The following RGS12 variants were observed in gnomAD, a reference collection of about 807,000 sequenced individuals.
RGS12 encodes the protein regulator of G-protein signaling 12.
Under a neutral mutation model 120.1 loss-of-function variants are expected in RGS12, and 66 were observed. That is an observed-to-expected ratio of 0.55 (90% confidence interval 0.45 to 0.67). RGS12 has a LOEUF of 0.67. RGS12 is among the 30% of genes least tolerant of loss of function. The pLI is 0.00. For missense variants in RGS12, 1,859 were observed against 1,957.7 expected (o/e 0.95, Z 0.95); for synonymous variants, 827 against 804.7 (o/e 1.03, Z -0.47).
At chr4:3,346,718 T>G (rs569046013) in intron 3 of RGS12, among the ~76,000 whole-genome samples, 4 of 152,344 alleles carry the variant, frequency 2.6e-5, no homozygotes, top group African/African-American at 9.6e-5. Flanking sequence ...ACATGGCTGC[T>G]TCTCTCTACA....
intron 16 of RGS12, among the ~76,000 whole-genome samples, chr4:3,429,087 C>T (rs552130787): frequency 1.3e-5 from 2 of 152,228 alleles, no homozygotes; most frequent in Non-Finnish European, 2.9e-5. Context: ...AGAGAGTCCA[C>T]CCTAGGCAGA....
chr4:3,305,163 G>A (rs1723904088), intron 1 of RGS12, among the ~76,000 whole-genome samples: 1 of 152,228 alleles, frequency 6.6e-6, no homozygotes, highest in South Asian at 2.1e-4. Context: ...GAGGGAGTGA[G>A]GGAGAGCATG....
chr4:3,372,843 G>A lies in RGS12; in HGVS notation c.1999-13573G>A, dbSNP rs1016004071. 6.6e-6 allele frequency among the ~76,000 whole-genome samples: 1 copy of A among 152,292 alleles called. No homozygotes were observed. Among genetic ancestry groups the A allele is most frequent in the Non-Finnish European group, 1.5e-5 (1 of 68,028 alleles). ...AGAAAGAACTTTCTAGAGACCACAGGGCTTCTCTCCCCTTCAGGCATTGAC... is the reference window on the plus strand; with the variant it reads ...AGAAAGAACTTTCTAGAGACCACAGAGCTTCTCTCCCCTTCAGGCATTGAC... On this transcript the variant is annotated intron_variant, in intron 3 of 17. Transcript: ENST00000336727. This position sits in a 1 kb window ranked among gnomAD's most constrained non-coding sequence, Gnocchi z 4.3.
rs369705947 is a variant in RGS12 at position 3,346,096 on chromosome 4, C to T, written c.1998+3043C>T. Among the ~76,000 whole-genome samples the T allele has an allele frequency of 2.6e-5, 4 of 152,112 alleles. No homozygotes were observed. In the East Asian group the frequency reaches 7.7e-4, roughly 29 times the overall value. The stretch of plus-strand genomic sequence containing the variant: ...CCTTAATTTTCCCAGAAGAATTTAT[C>T]CAGGTATAGCAGGTAGTATCAGCAA... On this transcript the variant is annotated intron_variant, in intron 3 of 17. Transcript: ENST00000336727.
At chr4:3,407,625 C>T (rs1477278618) in intron 4 of RGS12, 1 of 152,310 alleles carries the variant, frequency 6.6e-6, no homozygotes, top group Non-Finnish European at 1.5e-5. Context: ...CAGGGGCACA[C>T]TGACTTATGT....
At position 3,414,105 on chromosome 4, in the gene RGS12, G is replaced by A. The variant is rs1326005967; in HGVS notation, c.2054G>A (p.Ser685Asn). Residue 685 changes from serine (S) to asparagine (N), a missense_variant, in exon 5 of 18, where the codon AGC becomes AAC. Ser to Asn is a conservative substitution (Grantham distance 46, BLOSUM62 1). Around this residue, in one of 3 missense-constraint regions of RGS12, gnomAD observed 967 missense variants for 994.2 expected, o/e 0.97. Coordinates refer to ENST00000336727, the MANE Select transcript of RGS12 (RefSeq NM_001394154.1). ...LTGADLKDCVSNNSLSSNASL... is the reference protein window; with the variant it reads ...LTGADLKDCVNNNSLSSNASL... Reference sequence around the variant, plus strand: ...GGCGCCGACCTGAAGGACTGCGTCAGCAACAACAGCCTGAGCAGCAATGCC... The same window carrying A: ...GGCGCCGACCTGAAGGACTGCGTCAACAACAACAGCCTGAGCAGCAATGCC... 3 of 1,573,520 alleles carry A rather than the reference G, an allele frequency of 1.9e-6. No individual in the cohort carries two copies. The highest frequency in any genetic ancestry group is 1.1e-5 in the South Asian group (1 of 87,388).
Position 3,366,794 on chromosome 4 carries a change from G to T in RGS12, c.1999-19622G>T, listed in dbSNP as rs1175818074. Among the ~76,000 whole-genome samples the T allele has an allele frequency of 6.6e-6, 1 of 152,184 alleles. No individual in the cohort carries two copies. Among genetic ancestry groups the T allele is most frequent in the Non-Finnish European group, 1.5e-5 (1 of 68,026 alleles). ...CTGGTGAGAGAGGCCTGGGAGACAGGTGAGTCTGTAAGGAGGCCCAGAGTC... is the reference window on the plus strand; with the variant it reads ...CTGGTGAGAGAGGCCTGGGAGACAGTTGAGTCTGTAAGGAGGCCCAGAGTC... On this transcript the variant is annotated intron_variant, in intron 3 of 17. Coordinates refer to ENST00000336727, the MANE Select transcript of RGS12 (RefSeq NM_001394154.1). This position sits in a 1 kb window ranked among gnomAD's most constrained non-coding sequence, Gnocchi z 4.0.
intron 1 of RGS12, among the ~76,000 whole-genome samples, chr4:3,297,371 G>A (rs1723438718): frequency 6.6e-6 from 1 of 152,214 alleles, no homozygotes; most frequent in African/African-American, 2.4e-5. Context: ...ATCCTAAGTG[G>A]TCTGTTTTCT....
At chr4:3,393,248 G>C (rs1449351806) in intron 4 of RGS12, among the ~76,000 whole-genome samples, 2 of 152,204 alleles carry the variant, frequency 1.3e-5, no homozygotes, top group African/African-American at 4.8e-5. Context: ...ACCCAGAACT[G>C]GCTGGAACTC....
intron 1 of RGS12, among the ~76,000 whole-genome samples, chr4:3,303,781 A>T (rs1369023672): frequency 6.6e-6 from 1 of 152,280 alleles, no homozygotes; most frequent in Non-Finnish European, 1.5e-5. Flanking sequence ...TATTTCTTCA[A>T]CTTTATATGA....
chr4:3,370,883 AT>A (rs1340679050), intron 3 of RGS12, among the ~76,000 whole-genome samples: 1 of 152,230 alleles, frequency 6.6e-6, no homozygotes, highest in African/African-American at 2.4e-5. Flanking sequence ...AATAAAAATA[AT>A]TTCTATTTTC....
intron 1 of RGS12, among the ~76,000 whole-genome samples, chr4:3,305,501 G>A (rs1723923158): frequency 6.6e-6 from 1 of 152,374 alleles, no homozygotes; most frequent in African/African-American, 2.4e-5. Context: ...CTCCTGGGGT[G>A]CACGGTACCC....
At chr4:3,337,294 T>C (rs1009900042) in intron 2 of RGS12, among the ~76,000 whole-genome samples, 4 of 152,216 alleles carry the variant, frequency 2.6e-5, no homozygotes, top group Non-Finnish European at 4.4e-5. Context: ...GCACCCACCA[T>C]GGGAAACAGT....
intron 3 of RGS12, among the ~76,000 whole-genome samples, chr4:3,370,505 C>A (rs1716858426): frequency 6.6e-6 from 1 of 152,248 alleles, no homozygotes. Context: ...TCAGCCCAGG[C>A]TCTGGGACCG....
rs1409664374 is a variant in RGS12, at chr4:3,420,777, A to G, written c.2838+59A>G. Reference sequence around the variant, plus strand: ...CAGGGGTGTCCCCACCAGCTGACTGATGACACCTCTCTCCCATGGAAACCT... The same window carrying G: ...CAGGGGTGTCCCCACCAGCTGACTGGTGACACCTCTCTCCCATGGAAACCT... On this transcript the variant is annotated intron_variant, in intron 10 of 17. Coordinates refer to ENST00000336727, the MANE Select transcript of RGS12 (RefSeq NM_001394154.1). 4.5e-6 allele frequency: 6 copies of G among 1,334,556 alleles called. No homozygotes were observed. The East Asian group carries it at 1.2e-4, about 26-fold the overall frequency. The allele number at this position is 1,334,556 out of a possible 1,614,324, so 82.7% of individuals were successfully genotyped here. A position where few individuals can be genotyped will look rare whatever the true frequency, so the allele number is the denominator to read the frequency against.
At position 3,425,505 on chromosome 4, in the gene RGS12, G is replaced by A. The variant is rs768767741; in HGVS notation, c.3276G>A (p.Ser1092=). 7.4e-6 allele frequency: 12 copies of A among 1,611,966 alleles called. No homozygotes were observed. The highest frequency in any genetic ancestry group is 1.3e-5 in the African/African-American group (1 of 74,466). The change falls in exon 14 of 18, where the codon TCG becomes TCA. Residue 1092 remains serine (S), a synonymous_variant. Coordinates refer to ENST00000336727, the MANE Select transcript of RGS12 (RefSeq NM_001394154.1). ...KEPLDLGAPI[S]SLDGQRVVLE... ...CCCTGGACCTTGGCGCCCCTATATC[G>A]AGTCTGGACGGACAGCGGGTTGTCT...
Position 3,316,984 on chromosome 4 carries a change from G to T in RGS12, c.814G>T (p.Val272Leu). The T allele has an allele frequency of 6.2e-7, 1 of 1,613,802 alleles. No individual in the cohort carries two copies. The highest frequency in any genetic ancestry group is 8.5e-7 in the Non-Finnish European group (1 of 1,179,984). ...GGCAGAGCAGAAAATCCACTCGCTG[G>T]TGACCATGAAGATCATGCACGACTG... ...LRAEQKIHSL[V>L]TMKIMHDCVQ... The change falls in exon 2 of 18, where the codon GTG (valine) becomes TTG (leucine). Residue 272 changes from valine to leucine, a missense_variant. Val to Leu is a conservative substitution (Grantham distance 32). Transcript: ENST00000336727.
chr4:3,414,104 A>G lies in RGS12; in HGVS notation c.2053A>G (p.Ser685Gly). The G allele has an allele frequency of 6.4e-7, 1 of 1,573,418 alleles. No homozygotes were observed. The highest frequency in any genetic ancestry group is 8.6e-7 in the Non-Finnish European group (1 of 1,165,820). Residue 685 changes from serine to glycine, a missense_variant, in exon 5 of 18, where the codon AGC becomes GGC. Physicochemically the swap from Ser to Gly is moderately conservative, Grantham distance 56. Transcript: ENST00000336727. ...GGGCGCCGACCTGAAGGACTGCGTC[A>G]GCAACAACAGCCTGAGCAGCAATGC... ...LTGADLKDCV[S>G]NNSLSSNASL...
At chr4:3,320,183 A>G (rs145631618) in intron 2 of RGS12, among the ~76,000 whole-genome samples, 1 of 152,298 alleles carries the variant, frequency 6.6e-6, no homozygotes, top group African/African-American at 2.4e-5. Context: ...CATTTTAGAT[A>G]ATTGGCAGTG....
Sources: gnomAD v4.1 joint callset for allele counts (sites outside exome capture counted in the v4.1 genomes callset) on GRCh38, gnomAD v4.1.1 for gene constraint, gnomAD v4.1.1 regional missense constraint, Gnocchi (gnomAD v3.1) non-coding constraint, MANE v1.5 for transcripts, NCBI Gene and HGNC (gene_info 2026-07-23, HGNC 2026-07-21) for gene names.